GABRA3: variants seen among roughly 807,000 people sequenced by gnomAD.
The protein encoded by GABRA3 is gamma-aminobutyric acid type A receptor subunit alpha3, also known as gamma-aminobutyric acid receptor subunit alpha-3.
A neutral mutation model predicts 30.1 loss-of-function variants in GABRA3; 10 were observed. The ratio of observed to expected loss-of-function variants is 0.33; its 90% CI spans 0.20 to 0.56. The LOEUF (loss-of-function observed/expected upper bound fraction) is 0.56. Ranked by LOEUF, GABRA3 falls within the 20% of genes least tolerant of loss-of-function variation. The pLI, the probability that GABRA3 is intolerant of heterozygous loss-of-function variation, is 0.89. For synonymous variants in GABRA3, 151 were observed against 146.8 expected (o/e 1.03, Z -0.21); for missense variants, 233 against 392.0 (o/e 0.59, Z 3.42).
intron 1 of GABRA3, among the ~76,000 whole-genome samples, chrX:152,394,053 T>C (rs758129664): frequency 8.9e-6 from 1 of 111,733 alleles, no homozygotes; most frequent in East Asian, 2.8e-4. Context: ...ATCATCATCA[T>C]CATTGTTATC....
intron 3 of GABRA3, among the ~76,000 whole-genome samples, chrX:152,286,892 G>A (rs989806641): frequency 1.8e-5 from 2 of 111,574 alleles, no homozygotes; most frequent in African/African-American, 6.5e-5. Flanking sequence ...TAAATAGCTG[G>A]GCTCTCATCT....
At chrX:152,341,465 T>C (rs1940311064) in intron 3 of GABRA3, among the ~76,000 whole-genome samples, 1 of 111,168 alleles carries the variant, frequency 9.0e-6, no homozygotes, top group Non-Finnish European at 1.9e-5. Flanking sequence ...CTGTTTTCCA[T>C]AGAGGTTGTA....
chrX:152,294,488 A>G (rs1939487433), intron 3 of GABRA3, among the ~76,000 whole-genome samples: 1 of 111,395 alleles, frequency 9.0e-6, no homozygotes, highest in South Asian at 3.8e-4. Context: ...GGGTCACTGA[A>G]GTTCTTCTCT....
intron 5 of GABRA3, among the ~76,000 whole-genome samples, chrX:152,252,379 C>A (rs1218103317): frequency 9.0e-6 from 1 of 111,374 alleles, no homozygotes; most frequent in East Asian, 2.8e-4. Context: ...CATGAACTTG[C>A]AGCTACACTA....
rs1438486519 is a variant in GABRA3, at chrX:152,438,154, C to G, written c.-27+12992G>C. 3.6e-5 allele frequency among the ~76,000 whole-genome samples: 4 copies of G among 111,735 alleles called. 1 individual carries two copies. In the South Asian group the frequency reaches 1.5e-3, roughly 42 times the overall value. On this transcript the variant is annotated intron_variant, in intron 1 of 9. Transcript: ENST00000370314. The stretch of plus-strand genomic sequence containing the variant: ...GCCCCGTTAAAAATGAGCAAAAGAA[C>G]TGAAGAGACAGCTCAGCAAAACAGA...
intron 1 of GABRA3, among the ~76,000 whole-genome samples, chrX:152,424,881 T>C (rs759121499): frequency 3.3e-4 from 36 of 109,491 alleles, no homozygotes; most frequent in Non-Finnish European, 5.5e-4. Context: ...TGTCACATTG[T>C]ATCTGTATAC....
At chrX:152,390,055 A>G (rs192287181) in intron 1 of GABRA3, among the ~76,000 whole-genome samples, 1 of 111,874 alleles carries the variant, frequency 8.9e-6, no homozygotes, top group Non-Finnish European at 1.9e-5. Flanking sequence ...AAGTAAAACA[A>G]CACAGTATAT....
chrX:152,389,795 C>T lies in GABRA3; in HGVS notation c.-26-25199G>A, dbSNP rs139948094. Among the ~76,000 whole-genome samples, 606 of 111,150 alleles carry T rather than the reference C, an allele frequency of 5.5e-3. 3 individuals carry two copies. The highest frequency in any genetic ancestry group is 0.019 in the African/African-American group (576 of 30,663). Reference sequence around the variant, plus strand: ...AGTGCCGGACCTAAAAACCATCATGCATCAGCTAATACATAGTCCAATACA... The same window carrying T: ...AGTGCCGGACCTAAAAACCATCATGTATCAGCTAATACATAGTCCAATACA... On this transcript the variant is annotated intron_variant, in intron 1 of 9. Coordinates refer to ENST00000370314, the MANE Select transcript of GABRA3 (RefSeq NM_000808.4).
intron 1 of GABRA3, among the ~76,000 whole-genome samples, chrX:152,413,812 C>A (rs1408076852): frequency 9.2e-6 from 1 of 109,157 alleles, no homozygotes; most frequent in African/African-American, 3.3e-5. Context: ...AAAAAGGAAA[C>A]AAAAAGCCTA....
At chrX:152,395,752 ATGT>A (rs899795990) in intron 1 of GABRA3, among the ~76,000 whole-genome samples, 3 of 112,039 alleles carry the variant, frequency 2.7e-5, no homozygotes, top group African/African-American at 9.7e-5. Flanking sequence ...GCAAAAAGCA[ATGT>A]TGAAGTAGGA....
chrX:152,211,570 AAACTAC>A (rs1406018794), intron 6 of GABRA3, among the ~76,000 whole-genome samples: 2 of 111,733 alleles, frequency 1.8e-5, no homozygotes, highest in East Asian at 5.7e-4. Flanking sequence ...AACAAGTTGA[AAACTAC>A]TCAATTGAGT....
chrX:152,282,505 C>A lies in GABRA3; in HGVS notation c.330+2163G>T, dbSNP rs759912017. On this transcript the variant is annotated intron_variant, in intron 4 of 9. Transcript: ENST00000370314. The stretch of plus-strand genomic sequence containing the variant: ...TCTGCCTTGTGACTGGATGGACATG[C>A]GGCTAAAAATAATGTGAAATTCATT... Among the ~76,000 whole-genome samples, 3 of 112,091 alleles carry A rather than the reference C, an allele frequency of 2.7e-5. No homozygotes were observed. In the East Asian group the frequency reaches 8.4e-4, roughly 32 times the overall value.
chrX:152,328,308 C>A (rs1315488399), intron 3 of GABRA3, among the ~76,000 whole-genome samples: 1 of 111,634 alleles, frequency 9.0e-6, no homozygotes, highest in Non-Finnish European at 1.9e-5. Flanking sequence ...GAAACTATTC[C>A]AATCAATAGA....
intron 1 of GABRA3, among the ~76,000 whole-genome samples, chrX:152,436,206 T>C (rs980524489): frequency 1.8e-5 from 2 of 111,893 alleles, no homozygotes; most frequent in Non-Finnish European, 3.8e-5. Context: ...GGACCTAGGA[T>C]AGCCAAAGAC....
At chrX:152,227,439 G>A (rs1280042787) in intron 5 of GABRA3, among the ~76,000 whole-genome samples, 2 of 102,830 alleles carry the variant, frequency 1.9e-5, no homozygotes, top group African/African-American at 7.1e-5. Context: ...GCTAGATGAC[G>A]AGTTAATGGG....
chrX:152,245,665 C>T (rs766726193), intron 5 of GABRA3, among the ~76,000 whole-genome samples: 4 of 112,014 alleles, frequency 3.6e-5, no homozygotes, highest in Non-Finnish European at 7.5e-5. Context: ...TGTGTCTTTT[C>T]ATACATTTTT....
At chrX:152,268,703 G>T (rs1938872940) in intron 4 of GABRA3, among the ~76,000 whole-genome samples, 1 of 111,282 alleles carries the variant, frequency 9.0e-6, no homozygotes, top group Admixed American at 9.5e-5. Flanking sequence ...AAGTAGCTGA[G>T]ACTATAAGTG....
At chrX:152,199,485 T>C in intron 7 of GABRA3, among the ~76,000 whole-genome samples, 1 of 62,498 alleles carries the variant, frequency 1.6e-5, no homozygotes, top group African/African-American at 5.2e-5. Context: ...GGGACAGATT[T>C]TTCCCCTCAG....
At chrX:152,389,794 G>A (rs1344607844) in intron 1 of GABRA3, among the ~76,000 whole-genome samples, 4 of 111,159 alleles carry the variant, frequency 3.6e-5, no homozygotes, top group Non-Finnish European at 7.5e-5. Flanking sequence ...AAACCATCAT[G>A]CATCAGCTAA....
Sources: gnomAD v4.1 joint callset for allele counts (sites outside exome capture counted in the v4.1 genomes callset) on GRCh38, gnomAD v4.1.1 for gene constraint, MANE v1.5 for transcripts, NCBI Gene and HGNC (gene_info 2026-07-23, HGNC 2026-07-21) for gene names.